The following DST variants were observed in gnomAD, a reference collection of about 807,000 sequenced individuals.
The protein encoded by DST is bullous pemphigoid antigen.
In DST, 253 loss-of-function variants were observed where a neutral mutation model predicts 875.2. The ratio of observed to expected loss-of-function variants is 0.29; its 90% CI spans 0.26 to 0.32. DST has a LOEUF of 0.32. Ranked by LOEUF, DST falls within the 10% of genes least tolerant of loss-of-function variation. The pLI is 1.00. For missense variants in DST, 8,287 were observed against 9,111.6 expected (o/e 0.91, Z 3.68); for synonymous variants, 3,124 against 3,197.1 (o/e 0.98, Z 0.77).
intron 3 of DST, among the ~76,000 whole-genome samples, chr6:56,860,860 T>G (rs937507129): frequency 2.0e-5 from 3 of 152,236 alleles, no homozygotes; most frequent in Non-Finnish European, 2.9e-5. Flanking sequence ...TTCCCAAGCT[T>G]GGTTGTTAAA....
intron 102 of DST, 160 bp from the exon 103 acceptor site, chr6:56,460,414 CT>C (rs2094268998): frequency 3.6e-6 from 2 of 553,152 alleles, no homozygotes; most frequent in African/African-American, 1.9e-5. Flanking sequence ...GGGGTTCTCA[CT>C]TGATTTTCTC....
chr6:56,480,358 G>T (rs1412515323), intron 90 of DST, among the ~76,000 whole-genome samples: 1 of 152,142 alleles, frequency 6.6e-6, no homozygotes, highest in African/African-American at 2.4e-5. Flanking sequence ...TACAAATAAT[G>T]TACTTTCAAT....
At position 56,608,443 on chromosome 6, in the gene DST, A is replaced by T; in HGVS notation, c.6185T>A (p.Val2062Asp). 1 of 1,613,764 alleles carries T rather than the reference A, an allele frequency of 6.2e-7. No homozygotes were observed. Among genetic ancestry groups the T allele is most frequent in the Non-Finnish European group, 8.5e-7 (1 of 1,179,790 alleles). ...AACATAGCCTCGCTGAGCTTCCAGG[A>T]CCAGAAGAGCACTGCTGGAAGTTAT... ...DLITSSSALL[V>D]LEAQRGYVGL... Residue 2062 changes from valine (V) to aspartate (D), a missense_variant, in exon 40 of 104, where the codon GTC becomes GAC. Physicochemically the swap from Val to Asp is radical, Grantham distance 152. Coordinates refer to ENST00000680361, the MANE Select transcript of DST (RefSeq NM_001374736.1).
chr6:56,534,395 C>T (rs537961448), intron 63 of DST, among the ~76,000 whole-genome samples: 27 of 152,186 alleles, frequency 1.8e-4, no homozygotes, highest in South Asian at 1.5e-3. Context: ...ACTTCATACC[C>T]GACCATTGCT....
intron 2 of DST, among the ~76,000 whole-genome samples, chr6:56,920,314 G>A (rs1016001588): frequency 6.6e-6 from 1 of 152,158 alleles, no homozygotes; most frequent in African/African-American, 2.4e-5. Flanking sequence ...GGCTATAGGA[G>A]GCAAGCTGAT....
At position 56,508,802 on chromosome 6, in the gene DST, A is replaced by C. The variant is rs1562452211; in HGVS notation, c.19013-47T>G. The C allele has an allele frequency of 2.1e-6, 3 of 1,447,986 alleles. No individual in the cohort carries two copies. In the Middle Eastern group the frequency reaches 5.4e-4, roughly 260 times the overall value. The allele number at this position is 1,447,986 out of a possible 1,614,324, so 89.7% of individuals were successfully genotyped here. A position where few individuals can be genotyped will look rare whatever the true frequency, so the allele number is the denominator to read the frequency against. On this transcript the variant is annotated intron_variant, in intron 74 of 103. Coordinates refer to ENST00000680361, the MANE Select transcript of DST (RefSeq NM_001374736.1). ...ACAAGGCGACTGGTTAGCCCCACGT[A>C]ACCAACAAAGCAGAATGTTATAGTT...
chr6:56,935,963 G>C (rs977477315), intron 2 of DST, among the ~76,000 whole-genome samples: 2 of 151,790 alleles, frequency 1.3e-5, no homozygotes, highest in Non-Finnish European at 2.9e-5. Context: ...TAATGAGATT[G>C]GACCAAAAAA....
chr6:56,891,889 T>C (rs1040642413), intron 3 of DST, among the ~76,000 whole-genome samples: 15 of 152,334 alleles, frequency 9.8e-5, no homozygotes, highest in Admixed American at 5.2e-4. Flanking sequence ...TGCTATTTGC[T>C]GCCCTCTAAT....
chr6:56,560,279 A>C lies in DST; in HGVS notation c.14440+15T>G, dbSNP rs1313367528. 1.3e-6 allele frequency: 2 copies of C among 1,583,726 alleles called. No individual in the cohort carries two copies. Among genetic ancestry groups the C allele is most frequent in the Non-Finnish European group, 1.7e-6 (2 of 1,164,148 alleles). On this transcript the variant is annotated intron_variant, in intron 58 of 103. Transcript: ENST00000680361. Reference sequence around the variant, plus strand: ...ACTTTTCTTCATAGGCATTCATCTAAGTAACGCAACATACCTATTTCTGTC... The same window carrying C: ...ACTTTTCTTCATAGGCATTCATCTACGTAACGCAACATACCTATTTCTGTC...
rs139709182 is a variant in DST at position 56,705,915 on chromosome 6, A to G, written c.688-1546T>C. ...CCTAATTCCCAAGGAATATCAGTTG[A>G]ATCTCTGATGTCATAATACCAAAGT... On this transcript the variant is annotated intron_variant, in intron 5 of 103. Transcript: ENST00000680361. Among the ~76,000 whole-genome samples the G allele has an allele frequency of 5.6e-4, 85 of 152,370 alleles. 1 individual carries two copies. The highest frequency in any genetic ancestry group is 2.0e-3 in the African/African-American group (82 of 41,590).
chr6:56,647,075 A>G (rs972956365), intron 13 of DST, among the ~76,000 whole-genome samples: 3 of 152,170 alleles, frequency 2.0e-5, no homozygotes, highest in South Asian at 2.1e-4. Flanking sequence ...TCTATAACTA[A>G]GAATCTACAC....
chr6:56,601,361 T>C (rs2098444453), intron 44 of DST, 82 bp downstream of exon 44: 1 of 871,712 alleles, frequency 1.1e-6, no homozygotes, highest in Non-Finnish European at 1.8e-6. Flanking sequence ...AAATCTTTCC[T>C]GTCACACTAT....
rs1459949772 is a variant in DST at position 56,471,272 on chromosome 6, A to G, written c.22159-4T>C. The G allele has an allele frequency of 1.3e-6, 2 of 1,571,136 alleles. No homozygotes were observed. Among genetic ancestry groups the G allele is most frequent in the South Asian group, 2.3e-5 (2 of 85,572 alleles). Reference sequence around the variant, plus strand: ...CAAAGTTAGCAAATTCCCTCAGCTAAAAGGACAAAAAGTATTTTGATTGAG... The same window carrying G: ...CAAAGTTAGCAAATTCCCTCAGCTAGAAGGACAAAAAGTATTTTGATTGAG... On this transcript the variant is annotated splice_polypyrimidine_tract_variant and splice_region_variant and intron_variant, in intron 94 of 103. Transcript: ENST00000680361.
chr6:56,890,471 CAT>C (rs1336547201), intron 3 of DST, among the ~76,000 whole-genome samples: 2 of 152,152 alleles, frequency 1.3e-5, no homozygotes, highest in African/African-American at 4.8e-5. Context: ...ATCCTAGTGA[CAT>C]ATCTTAATAT....
intron 88 of DST, among the ~76,000 whole-genome samples, chr6:56,483,294 A>C (rs1373286330): frequency 6.6e-6 from 1 of 152,154 alleles, no homozygotes; most frequent in Non-Finnish European, 1.5e-5. Context: ...TGGCTTTGGC[A>C]CTACTCTAAG....
At chr6:56,664,074 C>CA (rs2099058889) in intron 10 of DST, among the ~76,000 whole-genome samples, 1 of 151,874 alleles carries the variant, frequency 6.6e-6, no homozygotes, top group African/African-American at 2.4e-5. Context: ...ATAATCTCTT[C>CA]AAACACACAC....
intron 2 of DST, among the ~76,000 whole-genome samples, chr6:56,943,847 T>G (rs1034867993): frequency 1.3e-5 from 2 of 151,906 alleles, no homozygotes; most frequent in Admixed American, 6.6e-5. Flanking sequence ...CCAGGCAGAG[T>G]GGCTCACGCA....
intron 4 of DST, among the ~76,000 whole-genome samples, chr6:56,802,959 A>G (rs538961718): frequency 6.6e-6 from 1 of 152,350 alleles, no homozygotes; most frequent in African/African-American, 2.4e-5. Flanking sequence ...AATATCATAC[A>G]TTAAAAGATA....
chr6:56,559,615 CA>C (rs537350369), intron 58 of DST, among the ~76,000 whole-genome samples: 3 of 152,160 alleles, frequency 2.0e-5, no homozygotes, highest in African/African-American at 7.2e-5. Context: ...TTGGGTTCTC[CA>C]AATGAAACTA....
Sources: gnomAD v4.1 joint callset for allele counts (sites outside exome capture counted in the v4.1 genomes callset) on GRCh38, gnomAD v4.1.1 for gene constraint, MANE v1.5 for transcripts, NCBI Gene and HGNC (gene_info 2026-07-23, HGNC 2026-07-21) for gene names.